UNC5A: variants seen among roughly 807,000 people sequenced by gnomAD.
UNC5A encodes the protein netrin receptor UNC5A.
A neutral mutation model predicts 87.4 loss-of-function variants in UNC5A; 20 were observed. The observed-to-expected ratio is 0.23, with a 90% CI of 0.16 to 0.33. The LOEUF is 0.33. Ranked by LOEUF, UNC5A falls within the 10% of genes least tolerant of loss-of-function variation. The probability of loss-of-function intolerance (pLI) is 1.00; values close to 1 mark genes in which losing one functional copy is unlikely to be tolerated. For missense variants in UNC5A, 844 were observed against 1,133.4 expected, an observed-to-expected ratio of 0.74 and a Z score of 3.67; for synonymous variants, 438 against 482.3, an observed-to-expected ratio of 0.91 and a Z score of 1.20.
intron 1 of UNC5A, among the ~76,000 whole-genome samples, chr5:176,839,279 G>A (rs1757212311): frequency 6.6e-6 from 1 of 152,256 alleles, no homozygotes; most frequent in Non-Finnish European, 1.5e-5. Context: ...CTGGGAGCAG[G>A]TAGGGGGGCC....
At chr5:176,849,477 TGGG>T (rs1044405922) in intron 1 of UNC5A, among the ~76,000 whole-genome samples, 1 of 152,252 alleles carries the variant, frequency 6.6e-6, no homozygotes, top group African/African-American at 2.4e-5. Context: ...CCCAGCTACT[TGGG>T]AGGCTGAGGC....
chr5:176,868,455 C>CT, intron 3 of UNC5A, 106 bp from the exon 4 acceptor site: 1 of 1,443,544 alleles, frequency 6.9e-7, no homozygotes, highest in Non-Finnish European at 9.4e-7. Flanking sequence ...CCACCTGGCA[C>CT]TTCCTCTGCC....
chr5:176,832,137 T>C (rs1757047182), intron 1 of UNC5A, among the ~76,000 whole-genome samples: 1 of 152,144 alleles, frequency 6.6e-6, no homozygotes, highest in African/African-American at 2.4e-5. Flanking sequence ...CTTCAGGTGA[T>C]CCACCCAGCT....
At chr5:176,827,989 T>C (rs1342785252) in intron 1 of UNC5A, among the ~76,000 whole-genome samples, 1 of 152,074 alleles carries the variant, frequency 6.6e-6, no homozygotes, top group Non-Finnish European at 1.5e-5. Flanking sequence ...CAGCTAGCTG[T>C]AGGGTCAGAG....
chr5:176,815,905 G>A (rs1040320510), intron 1 of UNC5A, among the ~76,000 whole-genome samples: 4 of 152,346 alleles, frequency 2.6e-5, no homozygotes, highest in South Asian at 2.1e-4. Flanking sequence ...TTGTTTGGAG[G>A]TTCTGAAGAT....
intron 1 of UNC5A, among the ~76,000 whole-genome samples, chr5:176,820,144 T>C (rs1346966906): frequency 6.6e-6 from 1 of 152,070 alleles, no homozygotes; most frequent in Non-Finnish European, 1.5e-5. Flanking sequence ...ATGCCTGTAA[T>C]CCCAGCATTT....
In UNC5A at chr5:176,874,531, A is replaced by G; in HGVS notation, c.1343A>G (p.Asn448Ser). 1 of 1,585,140 alleles carries G rather than the reference A, an allele frequency of 6.3e-7. No homozygotes were observed. The highest frequency in any genetic ancestry group is 8.6e-7 in the Non-Finnish European group (1 of 1,162,194). The change falls in exon 8 of 15, where the codon AAC becomes AGC. Residue 448 changes from asparagine (N) to serine (S), a missense_variant. Asn to Ser is a conservative substitution (Grantham distance 46, BLOSUM62 1). Transcript: ENST00000329542. The surrounding 1 kb of genome is among the most constrained non-coding windows in gnomAD (Gnocchi z 7.6). ...AGCAACATGACCTATGGGACCTTCA[A>G]CTTCCTCGGGGGCCGGCTGATGATC... ...GTSNMTYGTF[N>S]FLGGRLMIPN... is the part of the protein sequence containing the mutation.
chr5:176,829,692 G>T (rs1469652618), intron 1 of UNC5A, among the ~76,000 whole-genome samples: 1 of 152,026 alleles, frequency 6.6e-6, no homozygotes, highest in Non-Finnish European at 1.5e-5. Flanking sequence ...GTGGATGATT[G>T]TTCACGGGGC....
intron 1 of UNC5A, among the ~76,000 whole-genome samples, chr5:176,849,842 C>A (rs1308208597): frequency 6.6e-6 from 1 of 152,228 alleles, no homozygotes; most frequent in East Asian, 1.9e-4. Flanking sequence ...ATACCCTGGG[C>A]CAGTTGCCAG....
chr5:176,850,453 G>A (rs574030224), intron 1 of UNC5A, among the ~76,000 whole-genome samples: 27 of 152,166 alleles, frequency 1.8e-4, no homozygotes, highest in African/African-American at 6.5e-4. Context: ...GGATGAGTTA[G>A]GTGGCCACGA....
intron 1 of UNC5A, among the ~76,000 whole-genome samples, chr5:176,861,779 G>A (rs1262417808): frequency 5.3e-5 from 8 of 152,036 alleles, no homozygotes; most frequent in Non-Finnish European, 1.0e-4. Context: ...CCCAGGGGCT[G>A]CAATTGTGAA....
At chr5:176,842,458 C>G (rs1757299083) in intron 1 of UNC5A, among the ~76,000 whole-genome samples, 2 of 150,830 alleles carry the variant, frequency 1.3e-5, no homozygotes, top group South Asian at 4.2e-4. Context: ...GGAACCAACT[C>G]AAATGCCCGT....
At chr5:176,879,585 G>C in intron 14 of UNC5A, 97 bp downstream of exon 14, 1 of 1,542,980 alleles carries the variant, frequency 6.5e-7, no homozygotes, top group Admixed American at 1.9e-5. Context: ...TGTGGGGCCT[G>C]TGCCGCATCT....
At chr5:176,833,816 T>C (rs545333084) in intron 1 of UNC5A, among the ~76,000 whole-genome samples, 1 of 152,044 alleles carries the variant, frequency 6.6e-6, no homozygotes, top group East Asian at 1.9e-4. Context: ...TCGCGCCATT[T>C]TCCTGCCTCA....
rs557521187 is a variant in UNC5A at position 176,844,076 on chromosome 5, G to A, written c.71-18548G>A. 2.0e-5 allele frequency among the ~76,000 whole-genome samples: 3 copies of A among 152,312 alleles called. No homozygotes were observed. Among genetic ancestry groups the A allele is most frequent in the Admixed American group, 6.5e-5 (1 of 15,308 alleles). ...ACAGGAGGCAGGGGACGGGGAGGAC[G>A]AGGAGGAGGGGCCCTGAGACATGGA... On this transcript the variant is annotated intron_variant, in intron 1 of 14. Coordinates refer to ENST00000329542, the MANE Select transcript of UNC5A (RefSeq NM_133369.3). This position sits in a 1 kb window ranked among gnomAD's most constrained non-coding sequence, Gnocchi z 4.2.
chr5:176,836,993 C>T (rs559294286), intron 1 of UNC5A, among the ~76,000 whole-genome samples: 10 of 152,320 alleles, frequency 6.6e-5, no homozygotes, highest in Admixed American at 5.9e-4. Context: ...GACGGAACAA[C>T]CTGATACCCC....
intron 1 of UNC5A, among the ~76,000 whole-genome samples, chr5:176,860,025 C>T (rs77465630): frequency 0.01 from 1,545 of 152,310 alleles, 30 homozygotes; most frequent in African/African-American, 0.035. Flanking sequence ...AGGCGGCTGA[C>T]GCAAGCAGTG....
intron 1 of UNC5A, among the ~76,000 whole-genome samples, chr5:176,842,621 G>T (rs1223994547): frequency 2.0e-5 from 3 of 152,150 alleles, no homozygotes; most frequent in South Asian, 2.1e-4. Context: ...ACCAAACATT[G>T]TATGTCCCCA....
Position 176,880,019 on chromosome 5 carries a change from C to T in UNC5A, c.*133C>T, listed in dbSNP as rs544622099. On this transcript the variant is annotated 3_prime_UTR_variant, in exon 15 of 15. Transcript: ENST00000329542. ...GGCCCCCTCCCGGCCGAAGCTGTCCCTTAATGCTGGTCCTTCAGACCCTGC... is the reference window on the plus strand; with the variant it reads ...GGCCCCCTCCCGGCCGAAGCTGTCCTTTAATGCTGGTCCTTCAGACCCTGC... 24 of 1,238,712 alleles carry T rather than the reference C, an allele frequency of 1.9e-5. No homozygotes were observed. Among genetic ancestry groups the T allele is most frequent in the Non-Finnish European group, 2.6e-5 (24 of 917,896 alleles). 76.7% of individuals were successfully genotyped at this position (1,238,712 alleles called of 1,614,324 possible). A position where few individuals can be genotyped will look rare whatever the true frequency, so the allele number is the denominator to read the frequency against.
Sources: allele counts gnomAD v4.1 joint callset (sites outside exome capture counted in the v4.1 genomes callset), GRCh38; gene constraint gnomAD v4.1.1; non-coding constraint Gnocchi (gnomAD v3.1); transcripts MANE v1.5; gene names NCBI Gene and HGNC (gene_info 2026-07-23, HGNC 2026-07-21).